The following MEGF10 variants were observed in gnomAD, a reference collection of about 807,000 sequenced individuals.
MEGF10 encodes multiple epidermal growth factor-like domains protein 10.
Under a neutral mutation model 147.5 loss-of-function variants are expected in MEGF10, and 86 were observed. The ratio of observed to expected loss-of-function variants is 0.58; its 90% CI spans 0.49 to 0.70. The LOEUF (loss-of-function observed/expected upper bound fraction) is 0.70. MEGF10 is among the 30% of genes least tolerant of loss of function. The pLI is 0.00. For synonymous variants in MEGF10, 478 were observed against 525.5 expected, an observed-to-expected ratio of 0.91 and a Z score of 1.24; for missense variants, 1,329 against 1,487.3, an observed-to-expected ratio of 0.89 and a Z score of 1.75.
intron 1 of MEGF10, among the ~76,000 whole-genome samples, chr5:127,312,272 C>T (rs1361916126): frequency 1.3e-5 from 2 of 152,174 alleles, no homozygotes; most frequent in African/African-American, 4.8e-5. Context: ...GGCTTGTGGG[C>T]ACCAGGCTTT....
the MEGF10 span, among the ~76,000 whole-genome samples, chr5:127,264,873 C>T: frequency 2.0e-5 from 3 of 151,514 alleles, no homozygotes; most frequent in Non-Finnish European, 4.4e-5. Context: ...CATAGGTAAA[C>T]GTGTGCCATG....
the MEGF10 span, among the ~76,000 whole-genome samples, chr5:127,251,169 A>G: frequency 6.6e-6 from 1 of 152,248 alleles, no homozygotes; most frequent in Non-Finnish European, 1.5e-5. Context: ...AAAATGAGGG[A>G]AACTTGTCTT....
intron 1 of MEGF10, among the ~76,000 whole-genome samples, chr5:127,300,374 A>G (rs1487202535): frequency 6.6e-6 from 1 of 152,174 alleles, no homozygotes; most frequent in African/African-American, 2.4e-5. Context: ...GGAAAGTTAA[A>G]TGGTCCCTTT....
intron 18 of MEGF10, 115 bp downstream of exon 18, chr5:127,440,982 T>C (rs1033460446): frequency 7.4e-7 from 1 of 1,357,970 alleles, no homozygotes; most frequent in Non-Finnish European, 1.0e-6. Flanking sequence ...TTTGAGCTGA[T>C]GGCTGGTTAC....
rs768301775 is a variant in MEGF10 at position 127,396,796 on chromosome 5, C to T, written c.659+18C>T. 4 of 1,607,348 alleles carry T rather than the reference C, an allele frequency of 2.5e-6. No homozygotes were observed. The South Asian group carries it at 4.4e-5, about 18-fold the overall frequency. On this transcript the variant is annotated intron_variant, in intron 6 of 24. Transcript: ENST00000503335. ...GGAGCCTTGTAAGTCACATGCTGCC[C>T]AGCAGCAGAGCAGAGCCCACCCACC...
chr5:127,445,558 C>T lies in MEGF10; in HGVS notation c.2593C>T (p.Leu865Phe), dbSNP rs1212000030. The T allele has an allele frequency of 6.2e-7, 1 of 1,614,076 alleles. No individual in the cohort carries two copies. Among genetic ancestry groups the T allele is most frequent in the African/African-American group, 1.3e-5 (1 of 75,018 alleles). The change falls in exon 20 of 25, where the codon CTT (leucine) becomes TTT (phenylalanine). Residue 865 changes from leucine to phenylalanine, a missense_variant. By Grantham distance (22) the Leu-to-Phe change is conservative. Around this residue, in one of 3 missense-constraint regions of MEGF10, gnomAD observed 343 missense variants for 377.9 expected, o/e 0.91. Coordinates refer to ENST00000503335, the MANE Select transcript of MEGF10 (RefSeq NM_001256545.2). ...QIGAIAGIIILVLVVLFLLAL... is the reference protein window; with the variant it reads ...QIGAIAGIIIFVLVVLFLLAL... ...CGGGGCCATTGCAGGCATCATCATTCTTGTCCTAGTTGTTCTCTTCCTACT... is the reference window on the plus strand; with the variant it reads ...CGGGGCCATTGCAGGCATCATCATTTTTGTCCTAGTTGTTCTCTTCCTACT...
chr5:127,329,736 A>G (rs1453823005), intron 1 of MEGF10, among the ~76,000 whole-genome samples: 2 of 152,118 alleles, frequency 1.3e-5, no homozygotes, highest in African/African-American at 4.8e-5. Context: ...ACCAACAGGC[A>G]GGTTGGCACT....
chr5:127,420,934 G>A (rs1475984500), intron 12 of MEGF10, among the ~76,000 whole-genome samples: 2 of 152,170 alleles, frequency 1.3e-5, no homozygotes, highest in Admixed American at 6.5e-5. Flanking sequence ...GACATCATCT[G>A]ATGGCGAGTT....
chr5:127,247,438 A>AGG, the MEGF10 span, among the ~76,000 whole-genome samples: 1 of 110,138 alleles, frequency 9.1e-6, no homozygotes, highest in African/African-American at 4.5e-5. Context: ...GAAGAAGAAG[A>AGG]AGAAGAAGAA....
chr5:127,388,016 C>T (rs542596462), intron 5 of MEGF10, among the ~76,000 whole-genome samples: 1 of 152,280 alleles, frequency 6.6e-6, no homozygotes, highest in South Asian at 2.1e-4. Context: ...ATTTATTCAC[C>T]AGATATTTTC....
intron 4 of MEGF10, among the ~76,000 whole-genome samples, chr5:127,364,672 T>G (rs927443979): frequency 2.0e-5 from 3 of 152,246 alleles, no homozygotes; most frequent in African/African-American, 7.2e-5. Context: ...GGACTTTGCA[T>G]GTAATTGTCC....
At chr5:127,436,188 C>T (rs1731961829) in intron 16 of MEGF10, among the ~76,000 whole-genome samples, 2 of 152,136 alleles carry the variant, frequency 1.3e-5, no homozygotes, top group Non-Finnish European at 1.5e-5. Context: ...ATATTGAATT[C>T]CCCCATCATG....
At chr5:127,279,715 T>C in the MEGF10 span, among the ~76,000 whole-genome samples, 1 of 152,174 alleles carries the variant, frequency 6.6e-6, no homozygotes, top group Non-Finnish European at 1.5e-5. Flanking sequence ...CATTCTAATT[T>C]GAACCCTCCC....
At chr5:127,341,563 G>T (rs1426880995) in intron 4 of MEGF10, among the ~76,000 whole-genome samples, 1 of 152,012 alleles carries the variant, frequency 6.6e-6, no homozygotes, top group Non-Finnish European at 1.5e-5. Flanking sequence ...TCAGAGATAG[G>T]GCTTGGAATA....
intron 5 of MEGF10, among the ~76,000 whole-genome samples, chr5:127,392,443 A>T (rs1052785426): frequency 6.6e-6 from 1 of 152,122 alleles, no homozygotes; most frequent in Non-Finnish European, 1.5e-5. Context: ...TGATGCACCA[A>T]CACTGGTTGG....
At chr5:127,254,566 C>T in the MEGF10 span, among the ~76,000 whole-genome samples, 5 of 151,986 alleles carry the variant, frequency 3.3e-5, no homozygotes, top group African/African-American at 4.8e-5. Flanking sequence ...AATCCTAGCA[C>T]TTTGGGAGGC....
At chr5:127,247,368 GA>G in the MEGF10 span, among the ~76,000 whole-genome samples, 1 of 5,264 alleles carries the variant, frequency 1.9e-4, no homozygotes, top group Non-Finnish European at 3.7e-4. Context: ...AGAAGAAGAA[GA>G]AGAAGAAGAA....
intron 4 of MEGF10, among the ~76,000 whole-genome samples, chr5:127,363,422 C>T (rs899234604): frequency 6.6e-6 from 1 of 152,158 alleles, no homozygotes; most frequent in African/African-American, 2.4e-5. Context: ...GTCCTTCCCT[C>T]AGAGTTGCCT....
At position 127,339,409 on chromosome 5, in the gene MEGF10, G is replaced by C. The variant is rs57261222; in HGVS notation, c.218+188G>C. Reference sequence around the variant, plus strand: ...GCAGAAAGGTAGCCCATGCCCTAAAGGAGCTTACAGCCTAACTGCAGAGAA... The same window carrying C: ...GCAGAAAGGTAGCCCATGCCCTAAACGAGCTTACAGCCTAACTGCAGAGAA... On this transcript the variant is annotated intron_variant, in intron 3 of 24. Transcript: ENST00000503335. 0.015 allele frequency among the ~76,000 whole-genome samples: 2,352 copies of C among 152,234 alleles called. 57 individuals are homozygous for C. Among genetic ancestry groups the C allele is most frequent in the African/African-American group, 0.051 (2,106 of 41,554 alleles).
Sources: allele counts gnomAD v4.1 joint callset (sites outside exome capture counted in the v4.1 genomes callset), GRCh38; gene constraint gnomAD v4.1.1; regional missense constraint gnomAD v4.1.1; transcripts MANE v1.5; gene names NCBI Gene and HGNC (gene_info 2026-07-23, HGNC 2026-07-21).